FMN2: variants seen among roughly 807,000 people sequenced by gnomAD.
FMN2 encodes the protein formin 2, also known as formin-2.
FMN2 carries 51 observed loss-of-function variants against 142.3 expected under a neutral mutation model. That is an observed-to-expected ratio of 0.36 (90% CI 0.29 to 0.45). FMN2 has a LOEUF of 0.45. FMN2 is among the 20% of genes least tolerant of loss of function. FMN2 has a pLI of 1.00. For synonymous variants in FMN2, 882 were observed against 869.8 expected (o/e 1.01, Z -0.25); for missense variants, 1,936 against 2,122.8 (o/e 0.91, Z 1.73).
At chr1:240,255,207 G>A (rs1392714483) in intron 6 of FMN2, among the ~76,000 whole-genome samples, 1 of 152,240 alleles carries the variant, frequency 6.6e-6, no homozygotes, top group Non-Finnish European at 1.5e-5. Flanking sequence ...CTTCTTCTTT[G>A]CCTCCCATGT....
intron 14 of FMN2, among the ~76,000 whole-genome samples, chr1:240,371,904 T>A (rs1000238114): frequency 2.0e-5 from 3 of 152,124 alleles, no homozygotes; most frequent in African/African-American, 7.2e-5. Context: ...TGTGCATGAA[T>A]AAAATCTAAG....
intron 6 of FMN2, among the ~76,000 whole-genome samples, chr1:240,247,861 A>G (rs539829191): frequency 1.3e-5 from 2 of 152,330 alleles, no homozygotes; most frequent in East Asian, 3.9e-4. Flanking sequence ...ATATTTATAC[A>G]TATTTATGAT....
chr1:240,408,273 A>G (rs1463425528), intron 15 of FMN2, among the ~76,000 whole-genome samples: 1 of 152,206 alleles, frequency 6.6e-6, no homozygotes, highest in African/African-American at 2.4e-5. Context: ...AATTGGTCTA[A>G]GAAATATTTG....
At chr1:240,383,678 G>A (rs1006375995) in intron 14 of FMN2, among the ~76,000 whole-genome samples, 1 of 152,008 alleles carries the variant, frequency 6.6e-6, no homozygotes, top group African/African-American at 2.4e-5. Flanking sequence ...AAACAGTTTG[G>A]GGATTCCTCA....
At chr1:240,285,838 GACA>G (rs1030644662) in intron 7 of FMN2, among the ~76,000 whole-genome samples, 2 of 152,148 alleles carry the variant, frequency 1.3e-5, no homozygotes, top group African/African-American at 2.4e-5. Flanking sequence ...AGAAGGTGGG[GACA>G]ACAAGTATTG....
At chr1:240,264,841 T>C (rs968085826) in intron 7 of FMN2, among the ~76,000 whole-genome samples, 1 of 152,206 alleles carries the variant, frequency 6.6e-6, no homozygotes, top group Admixed American at 6.6e-5. Context: ...AATTAGCTAT[T>C]GGTTTGAACT....
In FMN2 at chr1:240,474,550, G is replaced by A. The variant is rs761308254; in HGVS notation, c.*396G>A. The A allele has an allele frequency of 9.1e-5, 15 of 164,244 alleles. No individual in the cohort carries two copies. Among genetic ancestry groups the A allele is most frequent in the Non-Finnish European group, 1.4e-4 (11 of 76,120 alleles). 10.2% of individuals were successfully genotyped at this position (164,244 alleles called of 1,614,324 possible). A position where few individuals can be genotyped will look rare whatever the true frequency, so the allele number is the denominator to read the frequency against. On this transcript the variant is annotated 3_prime_UTR_variant, in exon 18 of 18. Transcript: ENST00000319653. ...CTGACAACCAGTCCTCCACATCACA[G>A]CATTTAGACATATGGGTAAAATGTT...
intron 16 of FMN2, among the ~76,000 whole-genome samples, chr1:240,444,525 T>C (rs1210539332): frequency 6.8e-6 from 1 of 146,672 alleles, no homozygotes; most frequent in Non-Finnish European, 1.5e-5. Context: ...TTTAAAGTAT[T>C]GTCTAACTTA....
At chr1:240,361,205 A>G (rs895739445) in intron 14 of FMN2, among the ~76,000 whole-genome samples, 1 of 147,194 alleles carries the variant, frequency 6.8e-6, no homozygotes, top group South Asian at 2.2e-4. Context: ...AAAGAAGGAA[A>G]AAAACACGAC....
chr1:240,403,221 A>G (rs1401738842), intron 15 of FMN2, among the ~76,000 whole-genome samples: 4 of 152,250 alleles, frequency 2.6e-5, no homozygotes, highest in African/African-American at 4.8e-5. Context: ...AACTACTCCT[A>G]TCATTTTAAA....
chr1:240,404,211 C>G (rs937738808), intron 15 of FMN2, among the ~76,000 whole-genome samples: 1 of 152,190 alleles, frequency 6.6e-6, no homozygotes, highest in South Asian at 2.1e-4. Context: ...TGCACACATA[C>G]TTTATCATGT....
At chr1:240,425,838 T>C (rs1674923005) in intron 15 of FMN2, among the ~76,000 whole-genome samples, 2 of 152,204 alleles carry the variant, frequency 1.3e-5, no homozygotes, top group Admixed American at 1.3e-4. Context: ...AAGAAAGTCA[T>C]CAACCAGAGC....
intron 1 of FMN2, among the ~76,000 whole-genome samples, chr1:240,119,916 A>G (rs1426337648): frequency 6.6e-6 from 1 of 152,212 alleles, no homozygotes; most frequent in Non-Finnish European, 1.5e-5. Flanking sequence ...CATGAATACA[A>G]CAATCTACTG....
rs143441263 is a variant in FMN2 at position 240,226,699 on chromosome 1, T to G, written c.4065+15464T>G. ...AGCTATGATCGTGCCACTGTACTCCTGCCTGGGTGGTAGAATGAGACCTTG... is the reference window on the plus strand; with the variant it reads ...AGCTATGATCGTGCCACTGTACTCCGGCCTGGGTGGTAGAATGAGACCTTG... On this transcript the variant is annotated intron_variant, in intron 6 of 17. Transcript: ENST00000319653. 3.1e-4 allele frequency among the ~76,000 whole-genome samples: 47 copies of G among 152,222 alleles called. No individual in the cohort carries two copies. In the East Asian group the frequency reaches 9.1e-3, roughly 29 times the overall value.
In FMN2 at chr1:240,170,384, T is replaced by C. The variant is rs879145118; in HGVS notation, c.1783-7537T>C. 2.8e-5 allele frequency: 33 copies of C among 1,198,054 alleles called. 1 individual carries two copies. In the South Asian group the frequency reaches 3.9e-4, roughly 14 times the overall value. The allele number at this position is 1,198,054 out of a possible 1,614,324, so 74.2% of individuals were successfully genotyped here. A position where few individuals can be genotyped will look rare whatever the true frequency, so the allele number is the denominator to read the frequency against. On this transcript the variant is annotated intron_variant, in intron 2 of 17. Transcript: ENST00000319653. Reference sequence around the variant, plus strand: ...ATCTTGGGACATGAAGGTGCTGGAATTGTGGGAAGTGTTGGTGAGGGAGTT... The same window carrying C: ...ATCTTGGGACATGAAGGTGCTGGAACTGTGGGAAGTGTTGGTGAGGGAGTT...
chr1:240,333,188 C>T (rs1370974536), intron 11 of FMN2, among the ~76,000 whole-genome samples: 1 of 151,934 alleles, frequency 6.6e-6, no homozygotes. Context: ...AATTAATGCG[C>T]CTAAATAAAC....
At chr1:240,447,063 T>C (rs777675777) in intron 16 of FMN2, among the ~76,000 whole-genome samples, 5 of 152,188 alleles carry the variant, frequency 3.3e-5, no homozygotes, top group African/African-American at 7.2e-5. Flanking sequence ...GAGGTATCGA[T>C]CCCTACGGCA....
At chr1:240,436,094 G>A (rs1284295728) in intron 15 of FMN2, among the ~76,000 whole-genome samples, 1 of 152,114 alleles carries the variant, frequency 6.6e-6, no homozygotes, top group Non-Finnish European at 1.5e-5. Context: ...TGTGTTCTCT[G>A]CCATCTACTC....
intron 13 of FMN2, among the ~76,000 whole-genome samples, chr1:240,351,707 T>A (rs1266153112): frequency 6.6e-6 from 1 of 152,218 alleles, no homozygotes; most frequent in Non-Finnish European, 1.5e-5. Flanking sequence ...AGGATGGTTG[T>A]CACCATGTAG....
Sources: allele counts gnomAD v4.1 joint callset (sites outside exome capture counted in the v4.1 genomes callset), GRCh38; gene constraint gnomAD v4.1.1; transcripts MANE v1.5; gene names NCBI Gene and HGNC (gene_info 2026-07-23, HGNC 2026-07-21).